NRXN3: variants seen among roughly 807,000 people sequenced by gnomAD.
The protein encoded by NRXN3 is neurexin III.
A neutral mutation model predicts 137.6 loss-of-function variants in NRXN3; 32 were observed. The ratio of observed to expected loss-of-function variants is 0.23; its 90% CI spans 0.18 to 0.31. NRXN3 has a LOEUF of 0.31. Ranked by LOEUF, NRXN3 falls within the 10% of genes least tolerant of loss-of-function variation. The pLI, the probability that NRXN3 is intolerant of heterozygous loss-of-function variation, is 1.00. For missense variants in NRXN3, 1,574 were observed against 2,062.5 expected, an observed-to-expected ratio of 0.76 and a Z score of 4.59; for synonymous variants, 798 against 784.5, an observed-to-expected ratio of 1.02 and a Z score of -0.29.
intron 20 of NRXN3, among the ~76,000 whole-genome samples, chr14:79,837,445 G>GAGC (rs1285351805): frequency 6.6e-6 from 1 of 152,136 alleles, no homozygotes; most frequent in Non-Finnish European, 1.5e-5. Context: ...AAGTTCAAGA[G>GAGC]AGCTTACTTT....
chr14:78,587,951 A>G (rs534135800), intron 4 of NRXN3, among the ~76,000 whole-genome samples: 1 of 152,194 alleles, frequency 6.6e-6, no homozygotes, highest in South Asian at 2.1e-4. Context: ...TATCCCCATC[A>G]CTTTCTAATT....
chr14:79,624,162 A>T (rs182011371), intron 16 of NRXN3, among the ~76,000 whole-genome samples: 59 of 152,324 alleles, frequency 3.9e-4, no homozygotes, highest in Middle Eastern at 3.4e-3. Flanking sequence ...TGGCTAAGCC[A>T]CTGATCGAGA....
intron 4 of NRXN3, among the ~76,000 whole-genome samples, chr14:78,533,099 C>CTTTTT (rs71452898): frequency 0.01 from 1,252 of 120,004 alleles, 49 homozygotes; most frequent in African/African-American, 0.025. Context: ...TCCCTCCAGC[C>CTTTTT]TTTTTTTTTT....
At position 79,159,243 on chromosome 14, in the gene NRXN3, G is replaced by A. The variant is rs141928825; in HGVS notation, c.3262+171102G>A. 8.1e-3 allele frequency among the ~76,000 whole-genome samples: 1,222 copies of A among 151,666 alleles called. 4 individuals carry two copies. Among genetic ancestry groups the A allele is most frequent in the Middle Eastern group, 0.02 (6 of 294 alleles). ...TCTTGGTAGCCATTGCTTTGATTGTGCTTTGTTTTTAGAATCATAGTGATG... is the reference window on the plus strand; with the variant it reads ...TCTTGGTAGCCATTGCTTTGATTGTACTTTGTTTTTAGAATCATAGTGATG... On this transcript the variant is annotated intron_variant, in intron 15 of 20. Transcript: ENST00000335750.
intron 15 of NRXN3, among the ~76,000 whole-genome samples, chr14:79,391,082 A>G (rs994814018): frequency 2.0e-5 from 3 of 152,136 alleles, no homozygotes; most frequent in African/African-American, 7.2e-5. Context: ...TGTTCTTTGT[A>G]AATTATCCAG....
At chr14:78,477,351 G>A (rs1317772517) in intron 4 of NRXN3, among the ~76,000 whole-genome samples, 1 of 152,138 alleles carries the variant, frequency 6.6e-6, no homozygotes, top group African/African-American at 2.4e-5. Flanking sequence ...AAGATCAAGT[G>A]GATAGATTGT....
chr14:79,346,419 C>T (rs569123755), intron 15 of NRXN3, among the ~76,000 whole-genome samples: 1 of 152,008 alleles, frequency 6.6e-6, no homozygotes, highest in Admixed American at 6.6e-5. Flanking sequence ...GAAACTCTGT[C>T]TCAAAAAATA....
At chr14:78,855,241 G>C (rs1202010289) in intron 10 of NRXN3, among the ~76,000 whole-genome samples, 1 of 151,778 alleles carries the variant, frequency 6.6e-6, no homozygotes, top group African/African-American at 2.4e-5. Context: ...TTCAACGATA[G>C]AGTGACTTTT....
chr14:79,492,512 A>G (rs542260720), intron 16 of NRXN3, among the ~76,000 whole-genome samples: 1 of 152,114 alleles, frequency 6.6e-6, no homozygotes, highest in Non-Finnish European at 1.5e-5. Flanking sequence ...CCTCTTGAGT[A>G]GCTGGGATTA....
At position 79,542,584 on chromosome 14, in the gene NRXN3, G is replaced by A. The variant is rs562245877; in HGVS notation, c.3444+75182G>A. Among the ~76,000 whole-genome samples the A allele has an allele frequency of 2.3e-4, 35 of 152,198 alleles. No individual in the cohort carries two copies. In the South Asian group the frequency reaches 7.3e-3, roughly 32 times the overall value. ...GCATTTTCTCCCGTCTCACTGTAGGGCCTAACCCCACAAGCATCCTTGTGA... is the reference window on the plus strand; with the variant it reads ...GCATTTTCTCCCGTCTCACTGTAGGACCTAACCCCACAAGCATCCTTGTGA... On this transcript the variant is annotated intron_variant, in intron 16 of 20. Transcript: ENST00000335750.
chr14:78,837,400 C>G (rs1171431169), intron 10 of NRXN3, among the ~76,000 whole-genome samples: 2 of 151,942 alleles, frequency 1.3e-5, no homozygotes, highest in Admixed American at 6.6e-5. Context: ...CCACTTTGGG[C>G]CTGGTGAGTG....
At chr14:78,663,499 G>A (rs1432422000) in intron 6 of NRXN3, among the ~76,000 whole-genome samples, 1 of 152,172 alleles carries the variant, frequency 6.6e-6, no homozygotes, top group African/African-American at 2.4e-5. Flanking sequence ...GGAAGATGCT[G>A]CTCTTAGTAT....
At chr14:78,573,494 G>A (rs550875823) in intron 4 of NRXN3, among the ~76,000 whole-genome samples, 5 of 152,138 alleles carry the variant, frequency 3.3e-5, no homozygotes, top group Non-Finnish European at 7.3e-5. Context: ...GGTGGGAACT[G>A]GAATAAAAGT....
chr14:79,854,240 T>C (rs8019381), intron 20 of NRXN3: 628,250 of 693,374 alleles, frequency 0.91, 284,946 homozygotes, highest in East Asian at 1. Flanking sequence ...TAAATTAATA[T>C]GGTATGCTTT....
At chr14:78,179,486 A>C (rs530273250) in intron 1 of NRXN3, among the ~76,000 whole-genome samples, 1 of 152,278 alleles carries the variant, frequency 6.6e-6, no homozygotes, top group South Asian at 2.1e-4. Flanking sequence ...GGATTGCCAG[A>C]GCTAAATGGA....
intron 6 of NRXN3, among the ~76,000 whole-genome samples, chr14:78,658,891 G>A (rs1398730632): frequency 2.0e-5 from 3 of 152,204 alleles, no homozygotes; most frequent in South Asian, 2.1e-4. Context: ...GTGGAAAGAA[G>A]TGAAGATGCA....
At chr14:78,869,877 G>C (rs76554718) in intron 10 of NRXN3, among the ~76,000 whole-genome samples, 3,266 of 152,294 alleles carry the variant, frequency 0.021, 130 homozygotes, top group African/African-American at 0.075. Flanking sequence ...TTGCAGTGTA[G>C]GAGAGAGAAT....
intron 15 of NRXN3, among the ~76,000 whole-genome samples, chr14:79,411,133 A>G (rs1262313979): frequency 6.6e-6 from 1 of 152,130 alleles, no homozygotes; most frequent in Non-Finnish European, 1.5e-5. Flanking sequence ...AATCTTGATC[A>G]TGATTGTATT....
chr14:79,372,634 G>A (rs956047606), intron 15 of NRXN3, among the ~76,000 whole-genome samples: 1 of 152,050 alleles, frequency 6.6e-6, no homozygotes, highest in East Asian at 1.9e-4. Flanking sequence ...ATGCAATGTG[G>A]TATTTTAAGT....
Sources: allele counts gnomAD v4.1 joint callset (sites outside exome capture counted in the v4.1 genomes callset), GRCh38; gene constraint gnomAD v4.1.1; transcripts MANE v1.5; gene names NCBI Gene and HGNC (gene_info 2026-07-23, HGNC 2026-07-21).